TTLL12: variants seen among roughly 807,000 people sequenced by gnomAD.
The protein encoded by TTLL12 is tubulin--tyrosine ligase-like protein 12.
Under a neutral mutation model 79.6 loss-of-function variants are expected in TTLL12, and 77 were observed. The observed-to-expected ratio is 0.97, with a 90% CI of 0.81 to 1.17. The LOEUF (loss-of-function observed/expected upper bound fraction) is 1.17, where lower values mean the gene tolerates loss of function less well. Among genes scored for constraint, TTLL12 ranks in the 50% most tolerant of loss-of-function variants. The pLI, the probability that TTLL12 is intolerant of heterozygous loss-of-function variation, is 0.00. For synonymous variants in TTLL12, 437 were observed against 376.1 expected, an observed-to-expected ratio of 1.16 and a Z score of -1.87; for missense variants, 969 against 895.9, an observed-to-expected ratio of 1.08 and a Z score of -1.04.
At chr22:43,176,726 T>G (rs1931924635) in intron 5 of TTLL12, among the ~76,000 whole-genome samples, 1 of 75,526 alleles carries the variant, frequency 1.3e-5, no homozygotes, top group African/African-American at 5.8e-5. Flanking sequence ...TGAGACTACA[T>G]CTCAAAAAAA....
rs199673201 is a variant in TTLL12, at chr22:43,176,316, G to A, written c.917+4C>T. ...AGCCCAAGCAGTGGGGGGGGGCTACGCACTTGAAGATGTGGCCGTGGGGGT... is the reference window on the plus strand; with the variant it reads ...AGCCCAAGCAGTGGGGGGGGGCTACACACTTGAAGATGTGGCCGTGGGGGT... On this transcript the variant is annotated splice_donor_region_variant and intron_variant, in intron 6 of 13. Transcript: ENST00000216129. 2.9e-4 allele frequency: 464 copies of A among 1,584,072 alleles called. 1 individual carries two copies. The highest frequency in any genetic ancestry group is 1.3e-3 in the South Asian group (116 of 87,118).
At chr22:43,174,833 T>A (rs140975951) in intron 6 of TTLL12, among the ~76,000 whole-genome samples, 1 of 152,160 alleles carries the variant, frequency 6.6e-6, no homozygotes, top group African/African-American at 2.4e-5. Flanking sequence ...TGACCCCTGG[T>A]TCCCCATCCG....
chr22:43,173,237 C>T (rs546600654), intron 9 of TTLL12, among the ~76,000 whole-genome samples: 2 of 152,290 alleles, frequency 1.3e-5, no homozygotes, highest in Admixed American at 1.3e-4. Flanking sequence ...CTTGTCCAGG[C>T]TCAGCCACCT....
chr22:43,174,127 G>T, intron 8 of TTLL12, 82 bp downstream of exon 8: 1 of 1,506,996 alleles, frequency 6.6e-7, no homozygotes, highest in Non-Finnish European at 8.9e-7. Flanking sequence ...CACAGTGGGT[G>T]CTCATGGAGG....
chr22:43,183,374 C>T (rs545088654), intron 1 of TTLL12, among the ~76,000 whole-genome samples: 2 of 152,308 alleles, frequency 1.3e-5, no homozygotes, highest in East Asian at 1.9e-4. Context: ...TGTACCCCAC[C>T]GTCACCTGAG....
chr22:43,180,184 C>T (rs1399622897), intron 3 of TTLL12, among the ~76,000 whole-genome samples, 184 bp from the exon 4 acceptor site: 1 of 152,130 alleles, frequency 6.6e-6, no homozygotes, highest in African/African-American at 2.4e-5. Context: ...CTTTGCAGAC[C>T]AGGACACAGG....
At chr22:43,185,004 C>T (rs1012303103) in intron 1 of TTLL12, among the ~76,000 whole-genome samples, 3 of 151,806 alleles carry the variant, frequency 2.0e-5, no homozygotes, top group Non-Finnish European at 4.4e-5. Context: ...CCAAAGCGGG[C>T]GGATCACGAG....
chr22:43,177,328 C>T (rs1931940714), intron 5 of TTLL12, among the ~76,000 whole-genome samples: 1 of 152,062 alleles, frequency 6.6e-6, no homozygotes, highest in African/African-American at 2.4e-5. Flanking sequence ...AGGATCATGC[C>T]ACTGTACTCT....
At chr22:43,173,970 T>C in intron 8 of TTLL12, 144 bp from the exon 9 acceptor site, 1 of 931,970 alleles carries the variant, frequency 1.1e-6, no homozygotes, top group East Asian at 2.6e-5. Flanking sequence ...GGCAGGGGCA[T>C]GGGAAACAAG....
At chr22:43,180,114 C>T (rs1932017919) in intron 3 of TTLL12, 114 bp from the exon 4 acceptor site, 7 of 1,294,352 alleles carry the variant, frequency 5.4e-6, no homozygotes, top group Non-Finnish European at 7.4e-6. Context: ...TCTTGGAGGC[C>T]CTCTCACATG....
chr22:43,171,699 G>A (rs1282687616), intron 11 of TTLL12, 120 bp downstream of exon 11: 3 of 746,206 alleles, frequency 4.0e-6, no homozygotes, highest in East Asian at 5.2e-5. Flanking sequence ...CAGGAACTCA[G>A]GAGGCGGCTC....
rs116041753 is a variant in TTLL12 at position 43,173,304 on chromosome 22, C to T, written c.1341+411G>A. Reference sequence around the variant, plus strand: ...ATGTGGTAGGAACTTTGCGATTAGACGCACCCAGGACAGTTCTTTTTTTAA... The same window carrying T: ...ATGTGGTAGGAACTTTGCGATTAGATGCACCCAGGACAGTTCTTTTTTTAA... On this transcript the variant is annotated intron_variant, in intron 9 of 13. Coordinates refer to ENST00000216129, the MANE Select transcript of TTLL12 (RefSeq NM_015140.4). Among the ~76,000 whole-genome samples, 341 of 152,310 alleles carry T rather than the reference C, an allele frequency of 2.2e-3. 1 individual carries two copies. The highest frequency in any genetic ancestry group is 7.9e-3 in the African/African-American group (328 of 41,558).
chr22:43,183,576 A>G (rs1932111732), intron 1 of TTLL12, among the ~76,000 whole-genome samples: 1 of 152,244 alleles, frequency 6.6e-6, no homozygotes, highest in African/African-American at 2.4e-5. Flanking sequence ...GCACACCCCA[A>G]TGCCCCCCTC....
chr22:43,174,796 G>A (rs1296036796), intron 6 of TTLL12, among the ~76,000 whole-genome samples, 181 bp from the exon 7 acceptor site: 1 of 152,244 alleles, frequency 6.6e-6, no homozygotes, highest in Non-Finnish European at 1.5e-5. Flanking sequence ...CCAATCTGCT[G>A]AGGGAGGGGC....
At chr22:43,185,000 C>G (rs915626934) in intron 1 of TTLL12, among the ~76,000 whole-genome samples, 2 of 151,960 alleles carry the variant, frequency 1.3e-5, no homozygotes, top group Admixed American at 1.3e-4. Context: ...GAGGCCAAAG[C>G]GGGCGGATCA....
In TTLL12 at chr22:43,173,769, G is replaced by C. The variant is rs139697412; in HGVS notation, c.1287C>G (p.Thr429=). 412 of 1,605,076 alleles carry C rather than the reference G, an allele frequency of 2.6e-4. No individual in the cohort carries two copies. The highest frequency in any genetic ancestry group is 3.3e-4 in the Non-Finnish European group (386 of 1,179,938). Residue 429 remains threonine, a synonymous_variant, in exon 9 of 14, where the codon ACC becomes ACG. Transcript: ENST00000216129. ...KPWNLARSLD[T]HVTKSLHSII... ...TGCTGTGCAGGCTCTTGGTGACGTG[G>C]GTGTCCAGGCTGCGCGCCAGGTTCC...
At chr22:43,175,112 G>C (rs1931870318) in intron 6 of TTLL12, among the ~76,000 whole-genome samples, 1 of 152,222 alleles carries the variant, frequency 6.6e-6, no homozygotes, top group African/African-American at 2.4e-5. Context: ...GGCCAGCAGG[G>C]AGGAAAGCCC....
intron 6 of TTLL12, 137 bp downstream of exon 6, chr22:43,176,183 C>A: frequency 1.5e-6 from 1 of 677,210 alleles, no homozygotes; most frequent in South Asian, 1.7e-5. Context: ...CGTGTCACTG[C>A]TGTGCCCAGA....
intron 12 of TTLL12, 136 bp downstream of exon 12, chr22:43,169,363 TG>T: frequency 2.7e-6 from 2 of 749,330 alleles, no homozygotes; most frequent in Non-Finnish European, 4.2e-6. Context: ...TGCCAGCCTC[TG>T]GGGAGAATGA....
Sources: allele counts gnomAD v4.1 joint callset (sites outside exome capture counted in the v4.1 genomes callset), GRCh38; gene constraint gnomAD v4.1.1; transcripts MANE v1.5; gene names NCBI Gene and HGNC (gene_info 2026-07-23, HGNC 2026-07-21).